Variants in CUX2 observed in about 807,000 individuals in gnomAD.
CUX2 encodes homeobox protein cut-like 2.
Under a neutral mutation model 144.8 loss-of-function variants are expected in CUX2, and 40 were observed. The ratio of observed to expected loss-of-function variants is 0.28; its 90% CI spans 0.21 to 0.36. The LOEUF (loss-of-function observed/expected upper bound fraction) is 0.36. Among genes scored for constraint, CUX2 ranks in the 10% least tolerant of loss-of-function variants. The pLI, the probability that CUX2 is intolerant of heterozygous loss-of-function variation, is 1.00. For missense variants in CUX2, 1,615 were observed against 1,994.0 expected, an observed-to-expected ratio of 0.81 and a Z score of 3.62; for synonymous variants, 827 against 875.6, an observed-to-expected ratio of 0.94 and a Z score of 0.98.
At chr12:111,309,057 A>G (rs1886744155) in intron 14 of CUX2, among the ~76,000 whole-genome samples, 1 of 152,104 alleles carries the variant, frequency 6.6e-6, no homozygotes, top group African/African-American at 2.4e-5. Context: ...GGCATGCACC[A>G]CCACACCCAG....
intron 1 of CUX2, among the ~76,000 whole-genome samples, chr12:111,165,541 C>G (rs1039574156): frequency 6.6e-6 from 1 of 152,230 alleles, no homozygotes; most frequent in African/African-American, 2.4e-5. Flanking sequence ...GAACTGGACT[C>G]AAATTCTGGT....
At chr12:111,319,144 T>C (rs1887370531) in intron 16 of CUX2, among the ~76,000 whole-genome samples, 1 of 151,816 alleles carries the variant, frequency 6.6e-6, no homozygotes, top group Non-Finnish European at 1.5e-5. Context: ...CAAAACCCCG[T>C]CTCTACAAAA....
chr12:111,109,558 A>G (rs1209082175), intron 1 of CUX2, among the ~76,000 whole-genome samples: 1 of 152,182 alleles, frequency 6.6e-6, no homozygotes, highest in Non-Finnish European at 1.5e-5. Flanking sequence ...ATCCAAGCTC[A>G]TTCCATATGT....
chr12:111,217,056 C>T (rs557016209), intron 2 of CUX2, among the ~76,000 whole-genome samples: 2 of 152,102 alleles, frequency 1.3e-5, no homozygotes, highest in Non-Finnish European at 2.9e-5. Flanking sequence ...GTTGGAGTCT[C>T]GGGACACATG....
At chr12:111,138,082 C>T (rs948827309) in intron 1 of CUX2, among the ~76,000 whole-genome samples, 2 of 152,218 alleles carry the variant, frequency 1.3e-5, no homozygotes, top group African/African-American at 4.8e-5. Context: ...GGAACCCCTA[C>T]TCCCATCCCC....
At chr12:111,080,244 AAC>A (rs746008049) in intron 1 of CUX2, among the ~76,000 whole-genome samples, 3 of 151,694 alleles carry the variant, frequency 2.0e-5, no homozygotes, top group African/African-American at 7.3e-5. Context: ...AAAATCCCGT[AAC>A]ACACACACAC....
At position 111,310,772 on chromosome 12, in the gene CUX2, A is replaced by C. The variant is rs1474344986; in HGVS notation, c.1900+90A>C. On this transcript the variant is annotated intron_variant, in intron 15 of 21. Coordinates refer to ENST00000261726, the MANE Select transcript of CUX2 (RefSeq NM_015267.4). The surrounding 1 kb of genome is among the most constrained non-coding windows in gnomAD (Gnocchi z 7.9). ...GGCTGAGGACACGCGCTCTGGGTTC[A>C]AAGCCCAGCTCTACCACCACCTGGC... The C allele has an allele frequency of 2.8e-6, 4 of 1,410,524 alleles. No individual in the cohort carries two copies. In the Admixed American group the frequency reaches 9.7e-5, roughly 34 times the overall value. The allele number at this position is 1,410,524 out of a possible 1,614,324, so 87.4% of individuals were successfully genotyped here.
At chr12:111,205,793 A>G (rs893019366) in intron 1 of CUX2, among the ~76,000 whole-genome samples, 1 of 152,248 alleles carries the variant, frequency 6.6e-6, no homozygotes, top group Admixed American at 6.5e-5. Flanking sequence ...AACCCAGGTC[A>G]GTGGTCTGTG....
At chr12:111,153,546 A>G (rs1231420134) in intron 1 of CUX2, among the ~76,000 whole-genome samples, 1 of 152,208 alleles carries the variant, frequency 6.6e-6, no homozygotes, top group East Asian at 1.9e-4. Flanking sequence ...GTATCTAAAC[A>G]TCCCTAAACA....
intron 1 of CUX2, among the ~76,000 whole-genome samples, chr12:111,192,078 C>T (rs1372198250): frequency 6.6e-6 from 1 of 152,188 alleles, no homozygotes; most frequent in Non-Finnish European, 1.5e-5. Flanking sequence ...TGCAAAGCCC[C>T]AGGTTCTGCA....
intron 1 of CUX2, among the ~76,000 whole-genome samples, chr12:111,203,917 C>G (rs1025514329): frequency 2.0e-5 from 3 of 152,216 alleles, no homozygotes; most frequent in Admixed American, 6.5e-5. Context: ...TTACATCAGC[C>G]TGATGATACC....
intron 3 of CUX2, among the ~76,000 whole-genome samples, chr12:111,226,030 G>A (rs1325945539): frequency 1.3e-5 from 2 of 152,128 alleles, no homozygotes; most frequent in Non-Finnish European, 1.5e-5. Flanking sequence ...TGCAACCTCC[G>A]CCTCCCGGGT....
At chr12:111,054,940 A>G (rs922695766) in intron 1 of CUX2, among the ~76,000 whole-genome samples, 3 of 152,120 alleles carry the variant, frequency 2.0e-5, no homozygotes, top group Non-Finnish European at 2.9e-5. Context: ...GACACTCTTA[A>G]TATTCCCATT....
chr12:111,314,712 C>T (rs1398567439), intron 16 of CUX2, among the ~76,000 whole-genome samples: 2 of 145,816 alleles, frequency 1.4e-5, no homozygotes, highest in African/African-American at 2.6e-5. Context: ...GGTGTGGTGG[C>T]ACACACCTGT....
At chr12:111,306,440 A>G (rs917333383) in intron 10 of CUX2, among the ~76,000 whole-genome samples, 1 of 151,766 alleles carries the variant, frequency 6.6e-6, no homozygotes, top group Non-Finnish European at 1.5e-5. Context: ...CAGAGGGTCC[A>G]TTTCCTAAAA....
intron 1 of CUX2, among the ~76,000 whole-genome samples, chr12:111,043,106 A>G (rs945164628): frequency 2.0e-5 from 3 of 152,240 alleles, no homozygotes; most frequent in Admixed American, 2.0e-4. Flanking sequence ...CAAATACAAT[A>G]ACTAATAATT....
At chr12:111,326,392 G>A (rs1202117856) in intron 18 of CUX2, among the ~76,000 whole-genome samples, 1 of 81,196 alleles carries the variant, frequency 1.2e-5, no homozygotes, top group Non-Finnish European at 2.3e-5. Context: ...GGGGAGGGGT[G>A]GGTTTTGTTT....
At position 111,171,753 on chromosome 12, in the gene CUX2, T is replaced by G. The variant is rs960762515; in HGVS notation, c.64-42447T>G. Among the ~76,000 whole-genome samples the G allele has an allele frequency of 2.0e-5, 3 of 152,202 alleles. No individual in the cohort carries two copies. Among genetic ancestry groups the G allele is most frequent in the Admixed American group, 2.0e-4 (3 of 15,284 alleles). ...AGAACAGGGCTCCCTGGTGAAAGAA[T>G]GGCAGGGTCCCTTTTCGCCTCCCGG... On this transcript the variant is annotated intron_variant, in intron 1 of 21. Transcript: ENST00000261726. This position sits in a 1 kb window ranked among gnomAD's most constrained non-coding sequence, Gnocchi z 5.0.
Position 111,039,082 on chromosome 12 carries a change from T to C in CUX2, c.63+4842T>C, listed in dbSNP as rs1869608299. On this transcript the variant is annotated intron_variant, in intron 1 of 21. Coordinates refer to ENST00000261726, the MANE Select transcript of CUX2 (RefSeq NM_015267.4). This position sits in a 1 kb window ranked among gnomAD's most constrained non-coding sequence, Gnocchi z 4.2. ...TGAGCACCTTGGCTAGTGCTAAATA[T>C]ATGGTCCTGGATGATGGTAGACAAG... Among the ~76,000 whole-genome samples, 1 of 152,162 alleles carries C rather than the reference T, an allele frequency of 6.6e-6. No individual in the cohort carries two copies. Among genetic ancestry groups the C allele is most frequent in the African/African-American group, 2.4e-5 (1 of 41,438 alleles).
Sources: allele counts gnomAD v4.1 joint callset (sites outside exome capture counted in the v4.1 genomes callset), GRCh38; gene constraint gnomAD v4.1.1; non-coding constraint Gnocchi (gnomAD v3.1); transcripts MANE v1.5; gene names NCBI Gene and HGNC (gene_info 2026-07-23, HGNC 2026-07-21).